JARID2: variants seen among roughly 807,000 people sequenced by gnomAD.
JARID2 encodes jumonji and AT-rich interaction domain containing 2, also known as protein Jumonji.
In JARID2, 21 loss-of-function variants were observed where a neutral mutation model predicts 125.6. That is an observed-to-expected ratio of 0.17 (90% CI 0.12 to 0.24). The LOEUF is 0.24. JARID2 is among the 10% of genes least tolerant of loss of function. JARID2 has a pLI of 1.00. For missense variants in JARID2, 1,303 were observed against 1,639.6 expected (o/e 0.79, Z 3.55); for synonymous variants, 736 against 661.6 (o/e 1.11, Z -1.73).
chr6:15,500,597 G>T (rs1181948316), intron 7 of JARID2, among the ~76,000 whole-genome samples: 1 of 152,164 alleles, frequency 6.6e-6, no homozygotes, highest in East Asian at 1.9e-4. Flanking sequence ...GTTCCTCCCT[G>T]TATGTCTGTC....
At chr6:15,453,725 G>A (rs943258263) in intron 4 of JARID2, among the ~76,000 whole-genome samples, 8 of 152,090 alleles carry the variant, frequency 5.3e-5, no homozygotes, top group Admixed American at 1.3e-4. Flanking sequence ...CCAGATCACC[G>A]CCTCATCCGT....
At chr6:15,450,861 A>G (rs1767891125) in intron 3 of JARID2, among the ~76,000 whole-genome samples, 1 of 152,226 alleles carries the variant, frequency 6.6e-6, no homozygotes, top group African/African-American at 2.4e-5. Flanking sequence ...AAAAAGAACA[A>G]ACTGGGCTGG....
chr6:15,276,542 G>A (rs941721050), intron 1 of JARID2, among the ~76,000 whole-genome samples: 1 of 152,156 alleles, frequency 6.6e-6, no homozygotes, highest in Non-Finnish European at 1.5e-5. Flanking sequence ...CAGCTCAGCC[G>A]CTTCCATTTC....
At chr6:15,343,075 C>T (rs979697515) in intron 1 of JARID2, among the ~76,000 whole-genome samples, 1 of 151,868 alleles carries the variant, frequency 6.6e-6, no homozygotes, top group East Asian at 1.9e-4. Context: ...ACTAAAAATA[C>T]AAAAATTAGC....
At chr6:15,455,589 C>A (rs965096610) in intron 4 of JARID2, among the ~76,000 whole-genome samples, 1 of 152,134 alleles carries the variant, frequency 6.6e-6, no homozygotes, top group Admixed American at 6.5e-5. Context: ...TGGAGTGCAA[C>A]AGCGCGATCT....
chr6:15,248,879 A>G, intron 1 of JARID2: 1 of 983,080 alleles, frequency 1.0e-6, no homozygotes. Context: ...GCTGCCGCAG[A>G]GCCGGGCTGC....
At chr6:15,512,854 G>C (rs1933215938) in intron 14 of JARID2, 61 bp from the exon 15 acceptor site, 1 of 1,535,242 alleles carries the variant, frequency 6.5e-7, no homozygotes, top group Non-Finnish European at 8.9e-7. Flanking sequence ...CCACCAAGAA[G>C]AACCTTGACA....
intron 5 of JARID2, among the ~76,000 whole-genome samples, chr6:15,469,391 C>G (rs1768951384): frequency 1.5e-5 from 1 of 68,466 alleles, no homozygotes; most frequent in Admixed American, 1.5e-4. Context: ...CCCCTCTCCC[C>G]CTTTCCCCCT....
chr6:15,415,618 G>GACGGGGCGGC (rs1766132190), intron 3 of JARID2, among the ~76,000 whole-genome samples: 1 of 146,556 alleles, frequency 6.8e-6, no homozygotes, highest in African/African-American at 2.5e-5. Context: ...CTCCCTCCCG[G>GACGGGGCGGC]TCGGGGCGGC....
intron 1 of JARID2, among the ~76,000 whole-genome samples, chr6:15,246,996 G>A (rs1049557215): frequency 6.6e-6 from 1 of 152,228 alleles, no homozygotes; most frequent in African/African-American, 2.4e-5. Flanking sequence ...TGTAACGCAT[G>A]TGTGTTGGAA....
At chr6:15,248,450 GGGGCGT>G (rs1433045962) in intron 1 of JARID2, 1 of 139,694 alleles carries the variant, frequency 7.2e-6, no homozygotes, top group Non-Finnish European at 1.6e-5. Flanking sequence ...AGCGGGGGCG[GGGGCGT>G]GGGCGTGCCG....
intron 1 of JARID2, among the ~76,000 whole-genome samples, chr6:15,283,495 C>G (rs576827634): frequency 6.9e-6 from 1 of 145,946 alleles, no homozygotes; most frequent in East Asian, 2.0e-4. Flanking sequence ...CATGCACCAG[C>G]TACGCCCGGC....
chr6:15,519,386 C>A (rs1356167117), intron 17 of JARID2, among the ~76,000 whole-genome samples: 1 of 152,146 alleles, frequency 6.6e-6, no homozygotes, highest in Non-Finnish European at 1.5e-5. Flanking sequence ...ATCTTGAGGG[C>A]TTTTCAGAGG....
chr6:15,513,438 C>T lies in JARID2; in HGVS notation c.3450+16C>T, dbSNP rs758215024. ...CCTGTCCATGGTGAGCCCGCCTGGC[C>T]CTGCCGGCGCCCTCGCATGTAGTGC... On this transcript the variant is annotated intron_variant, in intron 16 of 17. Coordinates refer to ENST00000341776, the MANE Select transcript of JARID2 (RefSeq NM_004973.4). The T allele has an allele frequency of 6.4e-7, 1 of 1,558,460 alleles. No individual in the cohort carries two copies. Among genetic ancestry groups the T allele is most frequent in the Admixed American group, 1.7e-5 (1 of 57,940 alleles).
chr6:15,273,144 G>GA (rs1561760732), intron 1 of JARID2, among the ~76,000 whole-genome samples: 1 of 152,070 alleles, frequency 6.6e-6, no homozygotes, highest in Non-Finnish European at 1.5e-5. Flanking sequence ...TGTGGGTGGG[G>GA]AGGATGCCTT....
At chr6:15,473,370 T>C (rs1368183268) in intron 5 of JARID2, among the ~76,000 whole-genome samples, 1 of 152,156 alleles carries the variant, frequency 6.6e-6, no homozygotes, top group Non-Finnish European at 1.5e-5. Context: ...CTGGCACATC[T>C]GTCAGAAACG....
At chr6:15,327,336 G>A (rs963956624) in intron 1 of JARID2, among the ~76,000 whole-genome samples, 46 of 151,980 alleles carry the variant, frequency 3.0e-4, no homozygotes, top group African/African-American at 1.0e-3. Context: ...GGTGCCTTTT[G>A]ACTCGCCTCC....
chr6:15,350,895 C>T (rs945330200), intron 1 of JARID2, among the ~76,000 whole-genome samples: 5 of 151,800 alleles, frequency 3.3e-5, no homozygotes, highest in African/African-American at 1.2e-4. Flanking sequence ...AACAGGAAGA[C>T]GGTCCTCAAA....
intron 1 of JARID2, among the ~76,000 whole-genome samples, chr6:15,309,106 C>T (rs1761930245): frequency 6.6e-6 from 1 of 152,168 alleles, no homozygotes; most frequent in Non-Finnish European, 1.5e-5. Flanking sequence ...AAATTCCATT[C>T]TCTTGAATTT....
Sources: allele counts gnomAD v4.1 joint callset (sites outside exome capture counted in the v4.1 genomes callset), GRCh38; gene constraint gnomAD v4.1.1; transcripts MANE v1.5; gene names NCBI Gene and HGNC (gene_info 2026-07-23, HGNC 2026-07-21).